Variants in NDFIP2 observed in about 807,000 individuals in gnomAD.
NDFIP2 encodes NEDD4 family-interacting protein 2.
NDFIP2 carries 19 observed loss-of-function variants against 36.0 expected under a neutral mutation model. The ratio of observed to expected loss-of-function variants is 0.53; its 90% CI spans 0.37 to 0.77. The LOEUF is 0.77. NDFIP2 is among the 30% of genes least tolerant of loss of function. The pLI is 0.00. For synonymous variants in NDFIP2, 181 were observed against 167.7 expected, an observed-to-expected ratio of 1.08 and a Z score of -0.61; for missense variants, 446 against 435.8, an observed-to-expected ratio of 1.02 and a Z score of -0.21.
At chr13:79,489,140 G>C (rs548054500) in intron 1 of NDFIP2, among the ~76,000 whole-genome samples, 1 of 152,304 alleles carries the variant, frequency 6.6e-6, no homozygotes, top group East Asian at 1.9e-4. Context: ...TCCATGGGTT[G>C]AGTGTGATCA....
At chr13:79,494,547 C>CT (rs1178605802) in intron 1 of NDFIP2, among the ~76,000 whole-genome samples, 1 of 151,778 alleles carries the variant, frequency 6.6e-6, no homozygotes, top group Admixed American at 6.6e-5. Context: ...GGATTAGTTC[C>CT]TTTTTTCTTT....
At chr13:79,505,628 TAA>T (rs1295048001) in intron 1 of NDFIP2, among the ~76,000 whole-genome samples, 4 of 136,038 alleles carry the variant, frequency 2.9e-5, no homozygotes, top group Non-Finnish European at 3.2e-5. Flanking sequence ...GACCTTGCCT[TAA>T]AAAAAAAAAA....
chr13:79,507,790 T>G (rs1292228056), intron 1 of NDFIP2, among the ~76,000 whole-genome samples: 1 of 152,060 alleles, frequency 6.6e-6, no homozygotes, highest in African/African-American at 2.4e-5. Flanking sequence ...GTGGACATAA[T>G]AGATGTTAAC....
intron 1 of NDFIP2, among the ~76,000 whole-genome samples, chr13:79,486,289 A>G (rs1263561413): frequency 6.6e-6 from 1 of 152,228 alleles, no homozygotes; most frequent in African/African-American, 2.4e-5. Flanking sequence ...CCAACATTTA[A>G]TAACATTTAA....
intron 1 of NDFIP2, among the ~76,000 whole-genome samples, chr13:79,484,879 A>G (rs1404677707): frequency 1.3e-5 from 2 of 152,180 alleles, no homozygotes; most frequent in Non-Finnish European, 2.9e-5. Flanking sequence ...GTTTCCTTAT[A>G]TTAGTATCTA....
chr13:79,516,624 G>A (rs979756930), intron 1 of NDFIP2, among the ~76,000 whole-genome samples: 2 of 151,902 alleles, frequency 1.3e-5, no homozygotes, highest in African/African-American at 4.8e-5. Context: ...CATATTCATT[G>A]GTTTTTTAGA....
chr13:79,514,778 T>C (rs1285304474), intron 1 of NDFIP2, among the ~76,000 whole-genome samples: 1 of 152,224 alleles, frequency 6.6e-6, no homozygotes, highest in Non-Finnish European at 1.5e-5. Context: ...CAATAAAGTT[T>C]TGTTTTCTGT....
chr13:79,541,855 T>C (rs1875468637), intron 4 of NDFIP2, among the ~76,000 whole-genome samples: 1 of 152,226 alleles, frequency 6.6e-6, no homozygotes. Context: ...TTTCCTTCTT[T>C]ATTTTCAGTG....
chr13:79,543,201 A>G (rs771415600), intron 4 of NDFIP2, among the ~76,000 whole-genome samples: 4 of 152,152 alleles, frequency 2.6e-5, no homozygotes, highest in East Asian at 1.9e-4. Context: ...TAAAAAGCCA[A>G]TTTTGTTGGC....
rs1489237596 is a variant in NDFIP2 at position 79,551,064 on chromosome 13, A to G, written c.955A>G (p.Asn319Asp). ...ATTTGTTAATTATCTAAAAGTCAGA[A>G]ACATGTCTGAAAGTATGGCAGCTGC... Reference protein sequence around the residue: ...RGFVNYLKVRNMSESMAAAHR... With the variant: ...RGFVNYLKVRDMSESMAAAHR... The change falls in exon 7 of 8, where the codon AAC becomes GAC. Residue 319 changes from asparagine (N) to aspartate (D), a missense_variant. Physicochemically the swap from Asn to Asp is conservative, Grantham distance 23. This residue lies in a region of NDFIP2 where 77 missense variants were observed against 131.0 expected (regional missense o/e 0.59). Coordinates refer to ENST00000218652, the MANE Select transcript of NDFIP2 (RefSeq NM_019080.3). The G allele has an allele frequency of 6.2e-7, 1 of 1,605,450 alleles. No individual in the cohort carries two copies. Among genetic ancestry groups the G allele is most frequent in the African/African-American group, 1.3e-5 (1 of 74,686 alleles).
chr13:79,530,463 C>T (rs1874971923), intron 2 of NDFIP2, among the ~76,000 whole-genome samples: 1 of 152,134 alleles, frequency 6.6e-6, no homozygotes, highest in African/African-American at 2.4e-5. Flanking sequence ...AAGTTTGCTA[C>T]ATCAATTGAC....
intron 3 of NDFIP2, among the ~76,000 whole-genome samples, chr13:79,537,327 T>G (rs1215565186): frequency 6.6e-6 from 1 of 152,110 alleles, no homozygotes; most frequent in Non-Finnish European, 1.5e-5. Context: ...GTCAGGCTAG[T>G]CTTGAACTCC....
intron 1 of NDFIP2, among the ~76,000 whole-genome samples, chr13:79,481,766 AGCCCCGCTG>A: frequency 2.0e-5 from 3 of 151,386 alleles, no homozygotes; most frequent in Non-Finnish European, 4.4e-5. Flanking sequence ...CCGCACCCTT[AGCCCCGCTG>A]TGAGACGCCC....
At chr13:79,546,872 TCTAA>T (rs1418660739) in intron 5 of NDFIP2, among the ~76,000 whole-genome samples, 3 of 152,158 alleles carry the variant, frequency 2.0e-5, no homozygotes, top group African/African-American at 7.2e-5. Flanking sequence ...ATGTTGTATT[TCTAA>T]CTGTTAATCA....
intron 5 of NDFIP2, among the ~76,000 whole-genome samples, chr13:79,547,000 T>A (rs1335376): frequency 2.6e-5 from 4 of 151,902 alleles, no homozygotes; most frequent in Non-Finnish European, 5.9e-5. Flanking sequence ...GGATTTATGT[T>A]TTTAGTAGTA....
At chr13:79,505,057 T>G (rs909308274) in intron 1 of NDFIP2, among the ~76,000 whole-genome samples, 2 of 152,178 alleles carry the variant, frequency 1.3e-5, no homozygotes, top group Non-Finnish European at 2.9e-5. Context: ...ATTCAGATAA[T>G]GTGAATATGT....
At chr13:79,546,532 T>C (rs142007822) in intron 5 of NDFIP2, among the ~76,000 whole-genome samples, 6 of 152,306 alleles carry the variant, frequency 3.9e-5, no homozygotes, top group African/African-American at 1.4e-4. Context: ...TCAACATGAT[T>C]GGTTTACTTA....
chr13:79,543,807 C>T, intron 5 of NDFIP2, 125 bp downstream of exon 5: 1 of 1,204,518 alleles, frequency 8.3e-7, no homozygotes, highest in Non-Finnish European at 1.2e-6. Flanking sequence ...ATTCTTAAAT[C>T]CTATACTTAA....
chr13:79,528,732 G>A (rs1404095841), intron 2 of NDFIP2, among the ~76,000 whole-genome samples: 1 of 152,134 alleles, frequency 6.6e-6, no homozygotes, highest in Non-Finnish European at 1.5e-5. Flanking sequence ...AGAGTATTCA[G>A]TACAGTAATA....
Sources: gnomAD v4.1 joint callset for allele counts (sites outside exome capture counted in the v4.1 genomes callset) on GRCh38, gnomAD v4.1.1 for gene constraint, gnomAD v4.1.1 regional missense constraint, MANE v1.5 for transcripts, NCBI Gene and HGNC (gene_info 2026-07-23, HGNC 2026-07-21) for gene names.